Variants in DLG2 observed in about 807,000 individuals in gnomAD.
DLG2 encodes discs large MAGUK scaffold protein 2, also known as disks large homolog 2.
Under a neutral mutation model 132.5 loss-of-function variants are expected in DLG2, and 45 were observed. The ratio of observed to expected loss-of-function variants is 0.34; its 90% CI spans 0.27 to 0.44. The LOEUF is 0.44. Ranked by LOEUF, DLG2 falls within the 20% of genes least tolerant of loss-of-function variation. The pLI is 1.00. For missense variants in DLG2, 1,045 were observed against 1,196.9 expected (o/e 0.87, Z 1.87); for synonymous variants, 424 against 419.6 (o/e 1.01, Z -0.13).
intron 3 of DLG2, among the ~76,000 whole-genome samples, chr11:85,427,750 T>A (rs765614769): frequency 6.6e-6 from 1 of 152,240 alleles, no homozygotes; most frequent in Non-Finnish European, 1.5e-5. Flanking sequence ...GACATCATAA[T>A]GACAGGATCA....
intron 6 of DLG2, among the ~76,000 whole-genome samples, chr11:84,983,020 G>C (rs2055979565): frequency 6.6e-6 from 1 of 152,178 alleles, no homozygotes; most frequent in African/African-American, 2.4e-5. Flanking sequence ...CTACAGGCAA[G>C]GATGTCCACC....
chr11:83,882,217 A>T (rs1029766828), intron 15 of DLG2, among the ~76,000 whole-genome samples: 1 of 152,202 alleles, frequency 6.6e-6, no homozygotes, highest in African/African-American at 2.4e-5. Context: ...ACACCATCAA[A>T]ACTGTGGCCA....
At chr11:83,810,140 T>C (rs1443615980) in intron 17 of DLG2, among the ~76,000 whole-genome samples, 1 of 152,094 alleles carries the variant, frequency 6.6e-6, no homozygotes, top group African/African-American at 2.4e-5. Flanking sequence ...TTCAGGCTTG[T>C]GAGTGTTTGA....
At chr11:84,815,939 A>G (rs1456824113) in intron 6 of DLG2, among the ~76,000 whole-genome samples, 5 of 152,034 alleles carry the variant, frequency 3.3e-5, no homozygotes, top group African/African-American at 1.2e-4. Context: ...GCAATTGCCC[A>G]ATAGGGATGA....
intron 16 of DLG2, among the ~76,000 whole-genome samples, chr11:83,836,118 C>CT (rs1022570855): frequency 2.6e-5 from 4 of 152,156 alleles, no homozygotes; most frequent in Non-Finnish European, 5.9e-5. Flanking sequence ...GATGTCCCAG[C>CT]TTGAAGACAG....
chr11:83,746,291 G>A (rs185977343), intron 18 of DLG2, among the ~76,000 whole-genome samples: 14 of 152,134 alleles, frequency 9.2e-5, no homozygotes, highest in African/African-American at 2.7e-4. Context: ...TGTTTATTGC[G>A]GCACTATTCA....
intron 6 of DLG2, among the ~76,000 whole-genome samples, chr11:84,985,991 CAAAAAAAAAA>C: frequency 2.3e-5 from 1 of 44,228 alleles, no homozygotes; most frequent in Non-Finnish European, 3.6e-5. Flanking sequence ...GACTCCGTCT[CAAAAAAAAAA>C]AAAAAAAAAA....
At chr11:84,102,786 T>C (rs996031982) in intron 9 of DLG2, among the ~76,000 whole-genome samples, 3 of 152,298 alleles carry the variant, frequency 2.0e-5, no homozygotes, top group Non-Finnish European at 2.9e-5. Flanking sequence ...AGTAGATCAC[T>C]GTCAAATTCT....
intron 18 of DLG2, among the ~76,000 whole-genome samples, chr11:83,645,337 G>A (rs1434201339): frequency 2.0e-5 from 3 of 152,080 alleles, no homozygotes; most frequent in Admixed American, 1.3e-4. Flanking sequence ...AATATGGGAA[G>A]ATACATCTTT....
chr11:84,639,750 A>G (rs970684014), intron 6 of DLG2, among the ~76,000 whole-genome samples: 2 of 152,050 alleles, frequency 1.3e-5, no homozygotes. Flanking sequence ...GCTCCCTCCC[A>G]GGGTCATATC....
At chr11:85,255,166 T>A (rs955820029) in intron 4 of DLG2, among the ~76,000 whole-genome samples, 1 of 152,168 alleles carries the variant, frequency 6.6e-6, no homozygotes, top group Admixed American at 6.5e-5. Flanking sequence ...TTCATACAAC[T>A]GTATTTAAAG....
chr11:84,252,307 T>G (rs1192898317), intron 7 of DLG2, among the ~76,000 whole-genome samples: 2 of 151,840 alleles, frequency 1.3e-5, no homozygotes, highest in Admixed American at 1.3e-4. Context: ...TGTGCCACCA[T>G]GCCCAGCTAA....
intron 7 of DLG2, among the ~76,000 whole-genome samples, chr11:84,529,107 T>C (rs1262028341): frequency 6.6e-6 from 1 of 152,180 alleles, no homozygotes; most frequent in African/African-American, 2.4e-5. Context: ...CCTATTACTA[T>C]TGGTGTTGAA....
At chr11:85,306,658 C>T (rs576315930) in intron 3 of DLG2, among the ~76,000 whole-genome samples, 1 of 152,284 alleles carries the variant, frequency 6.6e-6, no homozygotes, top group East Asian at 1.9e-4. Flanking sequence ...GCAAGCTCCA[C>T]CTCCTGGGTT....
intron 3 of DLG2, among the ~76,000 whole-genome samples, chr11:85,419,245 T>C (rs2090106298): frequency 6.6e-6 from 1 of 152,246 alleles, no homozygotes; most frequent in Admixed American, 6.5e-5. Context: ...GTGTTGAATA[T>C]TGGCACCCAC....
At chr11:83,712,377 C>T (rs2085648271) in intron 18 of DLG2, among the ~76,000 whole-genome samples, 1 of 152,062 alleles carries the variant, frequency 6.6e-6, no homozygotes, top group Non-Finnish European at 1.5e-5. Flanking sequence ...ACCTGTAATC[C>T]TAGTACTTTG....
chr11:85,415,957 A>G (rs1163411826), intron 3 of DLG2, among the ~76,000 whole-genome samples: 1 of 152,100 alleles, frequency 6.6e-6, no homozygotes, highest in Admixed American at 6.5e-5. Flanking sequence ...TGCCTATGTC[A>G]TGAATGGTAT....
intron 18 of DLG2, among the ~76,000 whole-genome samples, chr11:83,736,807 A>G (rs1273093312): frequency 6.6e-6 from 1 of 152,228 alleles, no homozygotes; most frequent in Non-Finnish European, 1.5e-5. Context: ...AGTGAAGACA[A>G]TAATTTAAGG....
chr11:84,800,885 T>C (rs960283675), intron 6 of DLG2, among the ~76,000 whole-genome samples: 8 of 152,118 alleles, frequency 5.3e-5, no homozygotes, highest in Admixed American at 3.9e-4. Flanking sequence ...GACTAGAAAA[T>C]TTACAAATAA....
Sources: gnomAD v4.1 joint callset for allele counts (sites outside exome capture counted in the v4.1 genomes callset) on GRCh38, gnomAD v4.1.1 for gene constraint, MANE v1.5 for transcripts, NCBI Gene and HGNC (gene_info 2026-07-23, HGNC 2026-07-21) for gene names.